The following NRG1 variants were observed in gnomAD, a reference collection of about 807,000 sequenced individuals.
The protein encoded by NRG1 is pro-neuregulin-1, membrane-bound isoform.
A neutral mutation model predicts 63.8 loss-of-function variants in NRG1; 18 were observed. That is an observed-to-expected ratio of 0.28 (90% CI 0.19 to 0.42). NRG1 has a LOEUF of 0.42. Among genes scored for constraint, NRG1 ranks in the 10% least tolerant of loss-of-function variants. The pLI is 1.00. For missense variants in NRG1, 762 were observed against 814.7 expected (o/e 0.94, Z 0.79); for synonymous variants, 302 against 301.3 (o/e 1.00, Z -0.02).
At chr8:31,913,688 G>A (rs543455439) in intron 1 of NRG1, among the ~76,000 whole-genome samples, 157 of 152,176 alleles carry the variant, frequency 1.0e-3, no homozygotes, top group African/African-American at 3.6e-3. Context: ...ACTCTTAGGC[G>A]CTTCTCCTCC....
At chr8:32,390,049 T>G (rs549530844) in intron 1 of NRG1, among the ~76,000 whole-genome samples, 1 of 152,106 alleles carries the variant, frequency 6.6e-6, no homozygotes, top group South Asian at 2.1e-4. Context: ...CGTGAGCCAC[T>G]ACACCCAGCT....
intron 1 of NRG1, among the ~76,000 whole-genome samples, chr8:31,938,850 C>T (rs1167900038): frequency 6.6e-6 from 1 of 152,020 alleles, no homozygotes; most frequent in Admixed American, 6.6e-5. Flanking sequence ...TTAACTCAGT[C>T]CATCAAAGAC....
chr8:32,183,237 A>G (rs1469241048), intron 1 of NRG1, among the ~76,000 whole-genome samples: 1 of 152,136 alleles, frequency 6.6e-6, no homozygotes, highest in Non-Finnish European at 1.5e-5. Flanking sequence ...GCACATTGAG[A>G]AGACAGGGGA....
At chr8:32,017,929 T>C (rs1586505901) in intron 1 of NRG1, among the ~76,000 whole-genome samples, 1 of 152,102 alleles carries the variant, frequency 6.6e-6, no homozygotes, top group African/African-American at 2.4e-5. Context: ...TCCCTGGAGG[T>C]TGGGGGTGGG....
chr8:32,600,168 C>T (rs909924308), intron 2 of NRG1, among the ~76,000 whole-genome samples: 5 of 152,058 alleles, frequency 3.3e-5, no homozygotes, highest in African/African-American at 1.2e-4. Flanking sequence ...TACCTGCAGT[C>T]CCTGCTACTG....
At chr8:31,867,951 C>G (rs1172159599) in intron 1 of NRG1, among the ~76,000 whole-genome samples, 1 of 152,104 alleles carries the variant, frequency 6.6e-6, no homozygotes, top group African/African-American at 2.4e-5. Flanking sequence ...ACCAACTGCT[C>G]TTGAACTCTC....
At chr8:32,515,911 A>G (rs1448459928) in intron 1 of NRG1, among the ~76,000 whole-genome samples, 1 of 152,164 alleles carries the variant, frequency 6.6e-6, no homozygotes, top group African/African-American at 2.4e-5. Context: ...GAAGCTCTTC[A>G]GTGTAATTAG....
chr8:31,782,541 A>T (rs534791183), intron 1 of NRG1, among the ~76,000 whole-genome samples: 2 of 152,334 alleles, frequency 1.3e-5, no homozygotes, highest in South Asian at 4.1e-4. Context: ...ATGGAACTCA[A>T]TAAATAATTG....
At chr8:32,728,360 CTTG>C (rs1445659484) in intron 6 of NRG1, 9 of 984,762 alleles carry the variant, frequency 9.1e-6, no homozygotes, top group Middle Eastern at 1.0e-3. Flanking sequence ...TGTGGTTTTT[CTTG>C]TTGTTATTCA....
intron 6 of NRG1, among the ~76,000 whole-genome samples, chr8:32,738,904 C>T (rs113904384): frequency 0.01 from 1,550 of 152,270 alleles, 23 homozygotes; most frequent in African/African-American, 0.035. Context: ...TTTACCTCAA[C>T]GATTGTCTTA....
At chr8:32,757,184 GTTTTT>G (rs1402793745) in intron 9 of NRG1, among the ~76,000 whole-genome samples, 2 of 152,102 alleles carry the variant, frequency 1.3e-5, no homozygotes, top group Non-Finnish European at 2.9e-5. Context: ...TCAGCATTCA[GTTTTT>G]TAAATACAAC....
intron 5 of NRG1, among the ~76,000 whole-genome samples, chr8:32,698,603 C>G (rs750865564): frequency 1.3e-5 from 2 of 152,178 alleles, no homozygotes; most frequent in Non-Finnish European, 2.9e-5. Flanking sequence ...AAATAAAGGC[C>G]TAGGAGGAGG....
chr8:31,897,658 A>G (rs1831685480), intron 1 of NRG1, among the ~76,000 whole-genome samples: 1 of 152,086 alleles, frequency 6.6e-6, no homozygotes, highest in South Asian at 2.1e-4. Flanking sequence ...CTTGACCCAG[A>G]CATTCCCTTC....
chr8:32,432,872 C>G (rs750807049), intron 1 of NRG1, among the ~76,000 whole-genome samples: 1 of 152,084 alleles, frequency 6.6e-6, no homozygotes, highest in Admixed American at 6.6e-5. Context: ...AAGTCGCATT[C>G]GGGTGGAGCA....
At chr8:32,768,444 A>G (rs1056437558), downstream of NRG1, among the ~76,000 whole-genome samples, 3 of 152,202 alleles carry the variant, frequency 2.0e-5, no homozygotes, top group Non-Finnish European at 4.4e-5. Context: ...AAGCTTCCTT[A>G]TACCATCCGC....
intron 5 of NRG1, among the ~76,000 whole-genome samples, chr8:32,668,894 C>T (rs1804902241): frequency 6.6e-6 from 1 of 152,194 alleles, no homozygotes; most frequent in Admixed American, 6.5e-5. Context: ...TTCTTTTACT[C>T]TATCATTTAG....
At chr8:32,269,083 C>T (rs1196691141) in intron 1 of NRG1, among the ~76,000 whole-genome samples, 1 of 151,996 alleles carries the variant, frequency 6.6e-6, no homozygotes, top group Non-Finnish European at 1.5e-5. Flanking sequence ...TTCCTCTCTC[C>T]CTCCCTCCTT....
exon 11 of NRG1, chr8:32,760,244 C>G (rs759771620): frequency 7.4e-6 from 12 of 1,613,964 alleles, no homozygotes; most frequent in African/African-American, 1.3e-5. Flanking sequence ...GAAAGCCACT[C>G]TGTAATCGTG....
At chr8:32,242,652 C>G (rs904675186) in intron 1 of NRG1, among the ~76,000 whole-genome samples, 1 of 151,964 alleles carries the variant, frequency 6.6e-6, no homozygotes, top group Non-Finnish European at 1.5e-5. Context: ...TATTTTGCAC[C>G]AACCTAATAT....
Sources: allele counts gnomAD v4.1 joint callset (sites outside exome capture counted in the v4.1 genomes callset), GRCh38; gene constraint gnomAD v4.1.1; transcripts MANE v1.5; gene names NCBI Gene and HGNC (gene_info 2026-07-23, HGNC 2026-07-21).